The following CACNA2D3 variants were observed in gnomAD, a reference collection of about 807,000 sequenced individuals.
CACNA2D3 encodes the protein calcium voltage-gated channel auxiliary subunit alpha2delta 3.
A neutral mutation model predicts 160.6 loss-of-function variants in CACNA2D3; 60 were observed. The ratio of observed to expected loss-of-function variants is 0.37; its 90% CI spans 0.30 to 0.46. CACNA2D3 has a LOEUF of 0.46. Ranked by LOEUF, CACNA2D3 falls within the 20% of genes least tolerant of loss-of-function variation. The pLI is 1.00. For synonymous variants in CACNA2D3, 558 were observed against 492.9 expected, an observed-to-expected ratio of 1.13 and a Z score of -1.75; for missense variants, 1,205 against 1,365.0, an observed-to-expected ratio of 0.88 and a Z score of 1.85.
At chr3:54,860,508 A>G (rs1045362111) in intron 17 of CACNA2D3, among the ~76,000 whole-genome samples, 1 of 152,188 alleles carries the variant, frequency 6.6e-6, no homozygotes, top group African/African-American at 2.4e-5. Context: ...AATGAAGCCC[A>G]TGTTTATCCA....
rs537701839 is a variant in CACNA2D3, at chr3:54,282,233, A to C, written c.205-38209A>C. Among the ~76,000 whole-genome samples, 8 of 152,330 alleles carry C rather than the reference A, an allele frequency of 5.3e-5. No homozygotes were observed. The East Asian group carries it at 1.5e-3, about 29-fold the overall frequency. On this transcript the variant is annotated intron_variant, in intron 2 of 37. Coordinates refer to ENST00000474759, the MANE Select transcript of CACNA2D3 (RefSeq NM_018398.3). The stretch of plus-strand genomic sequence containing the variant: ...TGGAGAGTTGGTGGAATTGTCACTG[A>C]ATTTTCTATGTCAAATATCTGTAAT...
At chr3:54,544,699 C>T (rs964329744) in intron 5 of CACNA2D3, among the ~76,000 whole-genome samples, 1 of 152,158 alleles carries the variant, frequency 6.6e-6, no homozygotes, top group Non-Finnish European at 1.5e-5. Context: ...TGCCTGACCT[C>T]AAGCCAGCTT....
At chr3:54,610,621 T>A (rs1698733176) in intron 9 of CACNA2D3, among the ~76,000 whole-genome samples, 1 of 150,934 alleles carries the variant, frequency 6.6e-6, no homozygotes. Flanking sequence ...TCTTTTCTTC[T>A]TTCCTTTTTT....
chr3:54,997,405 A>G (rs766712378), intron 31 of CACNA2D3, among the ~76,000 whole-genome samples: 1 of 152,074 alleles, frequency 6.6e-6, no homozygotes, highest in Non-Finnish European at 1.5e-5. Flanking sequence ...ATCATCATGT[A>G]TATAAAATTA....
chr3:54,635,599 T>C (rs1699353054), intron 10 of CACNA2D3, among the ~76,000 whole-genome samples: 1 of 152,012 alleles, frequency 6.6e-6, no homozygotes, highest in Admixed American at 6.5e-5. Context: ...GGCTGTACCT[T>C]GTAGCATTCC....
intron 2 of CACNA2D3, among the ~76,000 whole-genome samples, chr3:54,293,571 A>ATATATG (rs1703260430): frequency 1.3e-5 from 2 of 151,614 alleles, no homozygotes; most frequent in Non-Finnish European, 2.9e-5. Context: ...TATTATATAT[A>ATATATG]TATATATCAA....
chr3:54,658,279 T>A (rs2106875972), intron 11 of CACNA2D3, among the ~76,000 whole-genome samples: 1 of 152,368 alleles, frequency 6.6e-6, no homozygotes, highest in Non-Finnish European at 1.5e-5. Context: ...ATAATGGCTG[T>A]ACCAACTTAT....
At chr3:54,682,447 G>A (rs1700370685) in intron 11 of CACNA2D3, among the ~76,000 whole-genome samples, 1 of 151,972 alleles carries the variant, frequency 6.6e-6, no homozygotes, top group Non-Finnish European at 1.5e-5. Flanking sequence ...CCAACATGAC[G>A]AAACCCTGTC....
intron 35 of CACNA2D3, among the ~76,000 whole-genome samples, chr3:55,020,358 A>G (rs936657544): frequency 6.7e-6 from 1 of 149,226 alleles, no homozygotes; most frequent in Non-Finnish European, 1.5e-5. Context: ...CATGATATCT[A>G]TAATGTATAT....
intron 9 of CACNA2D3, among the ~76,000 whole-genome samples, chr3:54,582,215 A>C (rs182595873): frequency 1.3e-4 from 20 of 152,252 alleles, no homozygotes; most frequent in Admixed American, 1.2e-3. Flanking sequence ...CCCACTTGTT[A>C]TTTCCCTTGT....
At chr3:54,271,803 G>T (rs574176290) in intron 2 of CACNA2D3, among the ~76,000 whole-genome samples, 1 of 152,268 alleles carries the variant, frequency 6.6e-6, no homozygotes, top group African/African-American at 2.4e-5. Context: ...GTCAGTGATG[G>T]TGTTTATGGA....
At chr3:54,949,823 C>A (rs1701711875) in intron 27 of CACNA2D3, among the ~76,000 whole-genome samples, 1 of 152,156 alleles carries the variant, frequency 6.6e-6, no homozygotes, top group Non-Finnish European at 1.5e-5. Context: ...GTGATTCTTT[C>A]TGAAAACTGG....
chr3:54,551,953 G>A (rs1201352461), intron 5 of CACNA2D3, among the ~76,000 whole-genome samples: 3 of 152,228 alleles, frequency 2.0e-5, no homozygotes, highest in African/African-American at 4.8e-5. Context: ...GAAGTATCAT[G>A]TATCAAAAGA....
chr3:54,406,647 T>G (rs1344898309), intron 4 of CACNA2D3, among the ~76,000 whole-genome samples: 1 of 151,816 alleles, frequency 6.6e-6, no homozygotes, highest in Non-Finnish European at 1.5e-5. Flanking sequence ...AATAAAACAT[T>G]CATTACCAGG....
intron 11 of CACNA2D3, among the ~76,000 whole-genome samples, chr3:54,667,130 G>A (rs928089716): frequency 1.3e-5 from 2 of 152,088 alleles, no homozygotes; most frequent in Non-Finnish European, 2.9e-5. Flanking sequence ...TCTATATTCT[G>A]GCTGGCACAG....
chr3:54,918,587 A>G (rs1421064034), intron 27 of CACNA2D3: 1 of 1,614,030 alleles, frequency 6.2e-7, no homozygotes, highest in East Asian at 2.2e-5. Flanking sequence ...GCAGCTGCCA[A>G]CATCATGAGA....
chr3:54,962,681 A>G (rs1702059827), intron 27 of CACNA2D3, among the ~76,000 whole-genome samples: 1 of 152,230 alleles, frequency 6.6e-6, no homozygotes, highest in South Asian at 2.1e-4. Context: ...TTCTCGCAGC[A>G]AAACAACTCC....
chr3:54,927,665 A>G (rs1319980751), intron 27 of CACNA2D3, among the ~76,000 whole-genome samples: 1 of 152,142 alleles, frequency 6.6e-6, no homozygotes, highest in East Asian at 1.9e-4. Flanking sequence ...TTTCCTATGA[A>G]ATGGCCCGTG....
At chr3:54,857,213 A>T (rs1699191360) in intron 17 of CACNA2D3, among the ~76,000 whole-genome samples, 1 of 152,178 alleles carries the variant, frequency 6.6e-6, no homozygotes, top group Non-Finnish European at 1.5e-5. Context: ...ATCTGTTCAT[A>T]GATTTAGGCC....
Sources: allele counts gnomAD v4.1 joint callset (sites outside exome capture counted in the v4.1 genomes callset), GRCh38; gene constraint gnomAD v4.1.1; transcripts MANE v1.5; gene names NCBI Gene and HGNC (gene_info 2026-07-23, HGNC 2026-07-21).